KCNIP4: variants seen among roughly 807,000 people sequenced by gnomAD.
KCNIP4 encodes the protein potassium voltage-gated channel interacting protein 4, also known as Kv channel-interacting protein 4.
KCNIP4 carries 12 observed loss-of-function variants against 34.0 expected under a neutral mutation model. That is an observed-to-expected ratio of 0.35 (90% CI 0.23 to 0.57). The LOEUF (loss-of-function observed/expected upper bound fraction) is 0.57, where lower values mean the gene tolerates loss of function less well. Among genes scored for constraint, KCNIP4 ranks in the 20% least tolerant of loss-of-function variants. The pLI is 0.83. For missense variants in KCNIP4, 238 were observed against 311.7 expected, an observed-to-expected ratio of 0.76 and a Z score of 1.78; for synonymous variants, 124 against 102.2, an observed-to-expected ratio of 1.21 and a Z score of -1.29.
Position 20,936,461 on chromosome 4 carries a change from A to G in KCNIP4, c.62-53752T>C, listed in dbSNP as rs181869508. 2.6e-5 allele frequency among the ~76,000 whole-genome samples: 4 copies of G among 151,894 alleles called. No individual in the cohort carries two copies. The East Asian group carries it at 7.7e-4, about 29-fold the overall frequency. On this transcript the variant is annotated intron_variant, in intron 1 of 8. Coordinates refer to ENST00000382152, the MANE Select transcript of KCNIP4 (RefSeq NM_025221.6). ...CCCCGTCCTAAAGATTTCATCATGC[A>G]TACAGGTACATTGCTATATTACTCT...
chr4:21,389,673 T>G (rs1275795094), intron 1 of KCNIP4, among the ~76,000 whole-genome samples: 1 of 151,986 alleles, frequency 6.6e-6, no homozygotes, highest in East Asian at 1.9e-4. Context: ...GGTGTATATG[T>G]GCCACATTTT....
At chr4:21,080,574 A>G (rs1277538793) in intron 1 of KCNIP4, among the ~76,000 whole-genome samples, 6 of 151,868 alleles carry the variant, frequency 4.0e-5, no homozygotes, top group Admixed American at 3.9e-4. Flanking sequence ...CTTTTTGAAC[A>G]ATAAATTTAC....
At chr4:20,754,824 C>G (rs976164478) in intron 4 of KCNIP4, among the ~76,000 whole-genome samples, 2 of 151,968 alleles carry the variant, frequency 1.3e-5, no homozygotes, top group Non-Finnish European at 2.9e-5. Context: ...TAATGTGGAG[C>G]TCTATCCAAG....
chr4:21,261,917 G>C (rs1026484776), intron 1 of KCNIP4, among the ~76,000 whole-genome samples: 3 of 152,130 alleles, frequency 2.0e-5, no homozygotes, highest in African/African-American at 4.8e-5. Flanking sequence ...ACCTGAATCA[G>C]ATAATGTCAC....
chr4:21,096,725 A>G (rs544114694), intron 1 of KCNIP4, among the ~76,000 whole-genome samples: 2 of 152,214 alleles, frequency 1.3e-5, no homozygotes, highest in East Asian at 3.9e-4. Flanking sequence ...TTTTCACTTC[A>G]TATGTTCTTG....
intron 1 of KCNIP4, among the ~76,000 whole-genome samples, chr4:21,127,034 A>G (rs1750677735): frequency 6.6e-6 from 1 of 152,054 alleles, no homozygotes; most frequent in Admixed American, 6.6e-5. Context: ...CAACTGGCCA[A>G]GTTGTTTTCA....
intron 1 of KCNIP4, among the ~76,000 whole-genome samples, chr4:21,917,456 T>C (rs1246372418): frequency 6.6e-6 from 1 of 152,136 alleles, no homozygotes; most frequent in South Asian, 2.1e-4. Flanking sequence ...TTTTTATGCA[T>C]TACTAATTAA....
At chr4:21,427,935 G>A (rs1726075825) in intron 1 of KCNIP4, among the ~76,000 whole-genome samples, 1 of 152,106 alleles carries the variant, frequency 6.6e-6, no homozygotes, top group Non-Finnish European at 1.5e-5. Context: ...GATTTTCATG[G>A]CAGCCAAAGT....
chr4:21,762,005 T>C (rs894452669), intron 1 of KCNIP4, among the ~76,000 whole-genome samples: 1 of 152,124 alleles, frequency 6.6e-6, no homozygotes, highest in African/African-American at 2.4e-5. Flanking sequence ...CACTATACAC[T>C]ATATTATCAT....
chr4:20,800,317 A>T (rs755291633), intron 3 of KCNIP4, among the ~76,000 whole-genome samples: 54 of 152,240 alleles, frequency 3.5e-4, no homozygotes, highest in Non-Finnish European at 5.3e-4. Context: ...TAAAGTTTGG[A>T]AGAGGTAACT....
chr4:20,867,594 T>A (rs1723004886), intron 2 of KCNIP4, among the ~76,000 whole-genome samples: 1 of 152,024 alleles, frequency 6.6e-6, no homozygotes, highest in Admixed American at 6.6e-5. Context: ...TAGGGTATAC[T>A]TTTCTCAACA....
chr4:21,010,477 G>A (rs182204163), intron 1 of KCNIP4, among the ~76,000 whole-genome samples: 150 of 152,108 alleles, frequency 9.9e-4, no homozygotes, highest in African/African-American at 3.3e-3. Flanking sequence ...ACTTTGTGGC[G>A]TGTTCTTTCG....
chr4:21,076,661 A>G (rs1437266915), intron 1 of KCNIP4, among the ~76,000 whole-genome samples: 1 of 152,130 alleles, frequency 6.6e-6, no homozygotes, highest in Non-Finnish European at 1.5e-5. Flanking sequence ...TCGTATGTTA[A>G]TTATCTGAAA....
At chr4:21,392,130 A>G (rs1336692687) in intron 1 of KCNIP4, among the ~76,000 whole-genome samples, 3 of 152,194 alleles carry the variant, frequency 2.0e-5, no homozygotes, top group African/African-American at 7.2e-5. Context: ...ATGACAATAA[A>G]TGGAAGGGAA....
intron 2 of KCNIP4, among the ~76,000 whole-genome samples, chr4:20,853,489 A>G (rs1712311718): frequency 6.6e-6 from 1 of 152,144 alleles, no homozygotes. Context: ...ACAAAAATCA[A>G]CTCAAGATGG....
At chr4:21,027,268 G>A (rs967243558) in intron 1 of KCNIP4, among the ~76,000 whole-genome samples, 8 of 152,118 alleles carry the variant, frequency 5.3e-5, no homozygotes, top group Admixed American at 4.6e-4. Context: ...ATGGCCACAC[G>A]TATTTATTAT....
chr4:20,815,304 T>C (rs1716239907), intron 3 of KCNIP4, among the ~76,000 whole-genome samples: 1 of 152,172 alleles, frequency 6.6e-6, no homozygotes, highest in African/African-American at 2.4e-5. Flanking sequence ...ATGTCTACCA[T>C]AATTATAGAG....
chr4:21,471,100 G>C (rs2109805154), intron 1 of KCNIP4, among the ~76,000 whole-genome samples: 1 of 152,238 alleles, frequency 6.6e-6, no homozygotes, highest in South Asian at 2.1e-4. Context: ...AAGGCTTGCA[G>C]GAGATTGTGG....
rs71191533 is a variant in KCNIP4, at chr4:21,683,446, A to ATTTTTTTT, written c.61+265117_61+265124dup. Among the ~76,000 whole-genome samples, 20 of 46,614 alleles carry ATTTTTTTT rather than the reference A, an allele frequency of 4.3e-4. 5 individuals carry two copies. The highest frequency in any genetic ancestry group is 1.6e-3 in the East Asian group (2 of 1,246). 30.6% of individuals were successfully genotyped at this position (46,614 alleles called of 152,430 possible). A position where few individuals can be genotyped will look rare whatever the true frequency, so the allele number is the denominator to read the frequency against. On this transcript the variant is annotated intron_variant, in intron 1 of 8. Transcript: ENST00000382152. Reference sequence around the variant, plus strand: ...TACGACTAATGATTGGTGAAGCCAGATTTTTTTTTTTTTTTTTTTTTTTTT... The same window carrying ATTTTTTTT: ...TACGACTAATGATTGGTGAAGCCAGATTTTTTTTTTTTTTTTTTTTTTTTTTTTTTTTT...
Sources: allele counts gnomAD v4.1 joint callset (sites outside exome capture counted in the v4.1 genomes callset), GRCh38; gene constraint gnomAD v4.1.1; transcripts MANE v1.5; gene names NCBI Gene and HGNC (gene_info 2026-07-23, HGNC 2026-07-21).